Variants in UGT2B17 observed in about 807,000 individuals in gnomAD.
UGT2B17 encodes UDP-glucuronosyltransferase 2B17.
In UGT2B17, 21 loss-of-function variants were observed where a neutral mutation model predicts 48.2. That is an observed-to-expected ratio of 0.44 (90% CI 0.31 to 0.63). The LOEUF (loss-of-function observed/expected upper bound fraction) is 0.63, where lower values mean the gene tolerates loss of function less well. Ranked by LOEUF, UGT2B17 falls within the 20% of genes least tolerant of loss-of-function variation. The pLI is 0.08. For missense variants in UGT2B17, 402 were observed against 696.1 expected (o/e 0.58, Z 4.75); for synonymous variants, 146 against 238.4 (o/e 0.61, Z 3.57).
Position 68,574,014 on chromosome 4 carries a change from G to A in UGT2B17, c.-65+1937C>T, listed in dbSNP as rs147877279. On this transcript the variant is annotated intron_variant, in intron 1 of 6. Coordinates refer to ENST00000317746, the MANE Select transcript of UGT2B17 (RefSeq NM_001077.4). Reference sequence around the variant, plus strand: ...TCAGGCCCACACCTGGTGAACTGGAGGACCACCGTAGTGGGAAGGGGACAA... The same window carrying A: ...TCAGGCCCACACCTGGTGAACTGGAAGACCACCGTAGTGGGAAGGGGACAA... Among the ~76,000 whole-genome samples the A allele has an allele frequency of 2.5e-3, 317 of 126,590 alleles. 74 individuals carry two copies. Among genetic ancestry groups the A allele is most frequent in the Admixed American group, 5.8e-3 (72 of 12,450 alleles). The allele number at this position is 126,590 out of a possible 152,430, so 83.0% of individuals were successfully genotyped here. A position where few individuals can be genotyped will look rare whatever the true frequency, so the allele number is the denominator to read the frequency against.
chr4:68,562,218 C>A (rs1264281790), intron 3 of UGT2B17, among the ~76,000 whole-genome samples: 2 of 124,320 alleles, frequency 1.6e-5, no homozygotes, highest in African/African-American at 2.8e-5. Context: ...CAGGTTCAAG[C>A]AATTCTCCTG....
chr4:68,546,617 GA>G (rs1198846979), intron 6 of UGT2B17, among the ~76,000 whole-genome samples: 2 of 125,588 alleles, frequency 1.6e-5, no homozygotes, highest in Non-Finnish European at 3.4e-5. Context: ...ATTCAATTAG[GA>G]AAAGAGGAAG....
Position 68,543,448 on chromosome 4 carries a change from C to A in UGT2B17, c.1314-5544G>T, listed in dbSNP as rs556360075. ...AAACCCATTTCTACATCGCCATCAT[C>A]AAAAACCAAAGGTAGATAAAACCAC... On this transcript the variant is annotated intron_variant, in intron 6 of 6. Coordinates refer to ENST00000317746, the MANE Select transcript of UGT2B17 (RefSeq NM_001077.4). Among the ~76,000 whole-genome samples the A allele has an allele frequency of 3.4e-4, 43 of 124,696 alleles. 11 individuals are homozygous for A. The highest frequency in any genetic ancestry group is 1.1e-3 in the African/African-American group (41 of 36,470). 81.8% of individuals were successfully genotyped at this position (124,696 alleles called of 152,430 possible). A position where few individuals can be genotyped will look rare whatever the true frequency, so the allele number is the denominator to read the frequency against.
In UGT2B17 at chr4:68,537,622, T is replaced by G; in HGVS notation, c.*3A>C. 7.4e-7 allele frequency: 1 copy of G among 1,357,474 alleles called. No homozygotes were observed. Among genetic ancestry groups the G allele is most frequent in the Non-Finnish European group, 9.6e-7 (1 of 1,042,338 alleles). 84.1% of individuals were successfully genotyped at this position (1,357,474 alleles called of 1,614,324 possible). On this transcript the variant is annotated 3_prime_UTR_variant, in exon 7 of 7. Transcript: ENST00000317746. ...GTCATTCCACTTCAGGCTTTTGATA[T>G]AACTAATCCCTTTTCTTCTTCTTTC... is the stretch of plus-strand genomic sequence containing the variant.
At chr4:68,571,170 G>A (rs896029934) in intron 1 of UGT2B17, among the ~76,000 whole-genome samples, 2 of 125,412 alleles carry the variant, frequency 1.6e-5, no homozygotes, top group African/African-American at 2.7e-5. Context: ...TAAGTGGCGG[G>A]TCCATAGTAT....
chr4:68,559,122 T>G (rs1436987301), intron 4 of UGT2B17, among the ~76,000 whole-genome samples: 2 of 125,528 alleles, frequency 1.6e-5, no homozygotes, highest in African/African-American at 5.4e-5. Flanking sequence ...AAATTTAATA[T>G]AAATTTATTA....
rs1476008665 is a variant in UGT2B17 at position 68,556,896 on chromosome 4, C to A, written c.1005+3641G>T. ...TACCTGTGATATCAAGCTTTTTAAT[C>A]CTTTGATATTTGACAAATTTTCCAA... On this transcript the variant is annotated intron_variant, in intron 4 of 6. Coordinates refer to ENST00000317746, the MANE Select transcript of UGT2B17 (RefSeq NM_001077.4). 3.2e-5 allele frequency among the ~76,000 whole-genome samples: 4 copies of A among 124,496 alleles called. 1 individual carries two copies. The highest frequency in any genetic ancestry group is 6.8e-5 in the Non-Finnish European group (4 of 58,798). 81.7% of individuals were successfully genotyped at this position (124,496 alleles called of 152,430 possible).
chr4:68,570,523 A>T lies in UGT2B17; in HGVS notation c.-64-1975T>A, dbSNP rs1199847535. Among the ~76,000 whole-genome samples the T allele has an allele frequency of 8.7e-5, 11 of 126,364 alleles. 3 individuals carry two copies. The highest frequency in any genetic ancestry group is 4.0e-4 in the Admixed American group (5 of 12,434). 82.9% of individuals were successfully genotyped at this position (126,364 alleles called of 152,430 possible). On this transcript the variant is annotated intron_variant, in intron 1 of 6. Coordinates refer to ENST00000317746, the MANE Select transcript of UGT2B17 (RefSeq NM_001077.4). The stretch of plus-strand genomic sequence containing the variant: ...ACAGGTACTGAGCATAAAACAATAT[A>T]AAATAATCTGAGAGGGTCCTTCTCT...
intron 4 of UGT2B17, among the ~76,000 whole-genome samples, chr4:68,558,834 C>T (rs183807453): frequency 0.014 from 1,731 of 125,436 alleles, 342 homozygotes; most frequent in African/African-American, 0.045. Flanking sequence ...TTCAAAGACA[C>T]CCCTCTGCTC....
Position 68,567,756 on chromosome 4 carries a change from C to T in UGT2B17, c.724+5G>A, listed in dbSNP as rs1731225229. Reference sequence around the variant, plus strand: ...TAATAAACACCAATTGGACACACGACTTACCTAGAACTTCACTATAAAACT... The same window carrying T: ...TAATAAACACCAATTGGACACACGATTTACCTAGAACTTCACTATAAAACT... On this transcript the variant is annotated splice_donor_5th_base_variant and intron_variant, in intron 2 of 6. Transcript: ENST00000317746. The T allele has an allele frequency of 7.6e-7, 1 of 1,313,954 alleles. No individual in the cohort carries two copies. The highest frequency in any genetic ancestry group is 1.5e-5 in the African/African-American group (1 of 65,208). 81.4% of individuals were successfully genotyped at this position (1,313,954 alleles called of 1,614,324 possible).
At chr4:68,573,872 G>A (rs1157437218) in intron 1 of UGT2B17, among the ~76,000 whole-genome samples, 1 of 126,846 alleles carries the variant, frequency 7.9e-6, no homozygotes, top group African/African-American at 2.7e-5. Context: ...ACTTAGTGTT[G>A]AGAGACAGAA....
In UGT2B17 at chr4:68,565,711, G is replaced by C. The variant is rs755047883; in HGVS notation, c.734C>G (p.Thr245Ser). 1.9e-5 allele frequency: 26 copies of C among 1,344,546 alleles called. 7 individuals are homozygous for C. The highest frequency in any genetic ancestry group is 2.5e-5 in the Non-Finnish European group (26 of 1,038,646). 83.3% of individuals were successfully genotyped at this position (1,344,546 alleles called of 1,614,324 possible). Residue 245 changes from threonine to serine, a missense_variant, in exon 3 of 7, where the codon ACT becomes AGT. Thr to Ser is a moderately conservative substitution (Grantham distance 58). This residue lies in a region of UGT2B17 where 106 missense variants were observed against 169.8 expected (regional missense o/e 0.62). Transcript: ENST00000317746. ...TTTCCCCATTGTCTCAAATAATGTA[G>C]TGGGTCTTCCTGATGGAAAAAAACA... ...QFYSEVLGRP[T>S]TLFETMGKAE... is the part of the protein sequence containing the mutation.
intron 6 of UGT2B17, among the ~76,000 whole-genome samples, chr4:68,545,629 T>A (rs1261084554): frequency 8.0e-6 from 1 of 124,908 alleles, no homozygotes; most frequent in African/African-American, 2.7e-5. Flanking sequence ...AATCAATGAA[T>A]CCAAGAGCTG....
chr4:68,563,617 C>T (rs1176613222), intron 3 of UGT2B17, among the ~76,000 whole-genome samples: 2 of 126,124 alleles, frequency 1.6e-5, no homozygotes, highest in Non-Finnish European at 3.4e-5. Flanking sequence ...GTCATTTATT[C>T]CTTGTCCTCC....
rs1176858502 is a variant in UGT2B17 at position 68,543,878 on chromosome 4, G to C, written c.1314-5974C>G. On this transcript the variant is annotated intron_variant, in intron 6 of 6. Transcript: ENST00000317746. ...GAAATGAAGCAAGAAGAGAAGTTTAGACAAAAAAGAATAAAAAGAAATGAA... is the reference window on the plus strand; with the variant it reads ...GAAATGAAGCAAGAAGAGAAGTTTACACAAAAAAGAATAAAAAGAAATGAA... 2.4e-5 allele frequency among the ~76,000 whole-genome samples: 3 copies of C among 125,394 alleles called. 1 individual carries two copies. Among genetic ancestry groups the C allele is most frequent in the Non-Finnish European group, 5.1e-5 (3 of 59,402 alleles). The allele number at this position is 125,394 out of a possible 152,430, so 82.3% of individuals were successfully genotyped here. A position where few individuals can be genotyped will look rare whatever the true frequency, so the allele number is the denominator to read the frequency against.
rs1482840347 is a variant in UGT2B17 at position 68,564,581 on chromosome 4, G to A, written c.873+991C>T. Among the ~76,000 whole-genome samples, 2 of 124,848 alleles carry A rather than the reference G, an allele frequency of 1.6e-5. 1 individual carries two copies. Among genetic ancestry groups the A allele is most frequent in the Non-Finnish European group, 3.4e-5 (2 of 59,182 alleles). The allele number at this position is 124,848 out of a possible 152,430, so 81.9% of individuals were successfully genotyped here. A position where few individuals can be genotyped will look rare whatever the true frequency, so the allele number is the denominator to read the frequency against. ...TGGGATTACAGGTGTAAGCCACCAC[G>A]CCCGGCCCATCATTGACTTTTACTC... On this transcript the variant is annotated intron_variant, in intron 3 of 6. Coordinates refer to ENST00000317746, the MANE Select transcript of UGT2B17 (RefSeq NM_001077.4).
chr4:68,556,425 A>C (rs1731002204), intron 4 of UGT2B17, among the ~76,000 whole-genome samples: 1 of 124,966 alleles, frequency 8.0e-6, no homozygotes, highest in Admixed American at 8.3e-5. Context: ...GCATAATGCT[A>C]ACAGTGTTTT....
At chr4:68,550,628 G>T in intron 6 of UGT2B17, 49 bp downstream of exon 6, 1 of 1,300,934 alleles carries the variant, frequency 7.7e-7, no homozygotes, top group South Asian at 1.9e-5. Flanking sequence ...ATTCACTGTT[G>T]ACAAAATAAT....
intron 6 of UGT2B17, among the ~76,000 whole-genome samples, chr4:68,541,430 C>T (rs1372900542): frequency 3.2e-5 from 4 of 126,434 alleles, no homozygotes; most frequent in African/African-American, 1.1e-4. Context: ...AGTGTGTTGG[C>T]TGCATAAATG....
Sources: gnomAD v4.1 joint callset for allele counts (sites outside exome capture counted in the v4.1 genomes callset) on GRCh38, gnomAD v4.1.1 for gene constraint, gnomAD v4.1.1 regional missense constraint, MANE v1.5 for transcripts, NCBI Gene and HGNC (gene_info 2026-07-23, HGNC 2026-07-21) for gene names.